SPATA17: variants seen among roughly 807,000 people sequenced by gnomAD.
The protein encoded by SPATA17 is spermatogenesis-associated protein 17.
SPATA17 carries 53 observed loss-of-function variants against 62.2 expected under a neutral mutation model. The ratio of observed to expected loss-of-function variants is 0.85; its 90% CI spans 0.68 to 1.07. The LOEUF (loss-of-function observed/expected upper bound fraction) is 1.07, where lower values mean the gene tolerates loss of function less well. SPATA17 is among the 50% of genes least tolerant of loss of function. SPATA17 has a pLI of 0.00. For missense variants in SPATA17, 466 were observed against 425.5 expected, an observed-to-expected ratio of 1.10 and a Z score of -0.84; for synonymous variants, 146 against 146.8, an observed-to-expected ratio of 0.99 and a Z score of 0.04.
chr1:217,686,308 G>A (rs557446700), intron 5 of SPATA17, among the ~76,000 whole-genome samples: 5 of 152,044 alleles, frequency 3.3e-5, no homozygotes, highest in South Asian at 4.2e-4. Flanking sequence ...CTTAATTCAC[G>A]TTTTTATAAA....
intron 9 of SPATA17, among the ~76,000 whole-genome samples, chr1:217,812,444 T>G (rs1478654112): frequency 6.6e-6 from 1 of 152,194 alleles, no homozygotes; most frequent in African/African-American, 2.4e-5. Context: ...AGCATATATA[T>G]AATTTTTGAA....
At chr1:217,755,571 C>T (rs889904117) in intron 6 of SPATA17, among the ~76,000 whole-genome samples, 3 of 151,882 alleles carry the variant, frequency 2.0e-5, no homozygotes, top group African/African-American at 7.2e-5. Context: ...TTAGTCATTC[C>T]CTTAATGACT....
At chr1:217,749,814 C>T (rs1161562460) in intron 6 of SPATA17, among the ~76,000 whole-genome samples, 1 of 151,212 alleles carries the variant, frequency 6.6e-6, no homozygotes, top group Non-Finnish European at 1.5e-5. Flanking sequence ...CCATATTTTT[C>T]AGCGTAAGCA....
intron 8 of SPATA17, among the ~76,000 whole-genome samples, chr1:217,800,812 T>C (rs140220145): frequency 1.3e-5 from 2 of 152,318 alleles, no homozygotes; most frequent in East Asian, 3.9e-4. Flanking sequence ...TTTCTTATTT[T>C]CTGTCCTATT....
At chr1:217,708,727 C>CA (rs776027409) in intron 5 of SPATA17, among the ~76,000 whole-genome samples, 2,430 of 142,094 alleles carry the variant, frequency 0.017, 18 homozygotes, top group Non-Finnish European at 0.022. Flanking sequence ...GATGCAACAA[C>CA]AAAAAAAAAA....
At chr1:217,767,667 C>T (rs949932816) in intron 6 of SPATA17, among the ~76,000 whole-genome samples, 1 of 152,098 alleles carries the variant, frequency 6.6e-6, no homozygotes, top group Non-Finnish European at 1.5e-5. Flanking sequence ...CCATCAAAGC[C>T]ATTCTTCATT....
chr1:217,742,731 A>G (rs1672650484), intron 6 of SPATA17, among the ~76,000 whole-genome samples: 1 of 152,192 alleles, frequency 6.6e-6, no homozygotes, highest in Non-Finnish European at 1.5e-5. Context: ...TTAAAAAAGC[A>G]TGAGTTTGGG....
intron 1 of SPATA17, among the ~76,000 whole-genome samples, chr1:217,635,767 A>G (rs943661571): frequency 7.8e-5 from 11 of 141,352 alleles, no homozygotes; most frequent in Non-Finnish European, 1.6e-4. Flanking sequence ...CTGGGTTATG[A>G]TAACGGGATT....
intron 2 of SPATA17, among the ~76,000 whole-genome samples, chr1:217,650,831 G>A (rs1397593128): frequency 1.3e-5 from 2 of 152,180 alleles, no homozygotes; most frequent in Non-Finnish European, 2.9e-5. Context: ...TCAAAAATAT[G>A]TTAAAGAGTA....
chr1:217,824,833 G>A (rs1674950651), intron 9 of SPATA17, among the ~76,000 whole-genome samples: 1 of 150,934 alleles, frequency 6.6e-6, no homozygotes, highest in Admixed American at 6.6e-5. Flanking sequence ...TATCCCTGCT[G>A]TAGACTAAAT....
intron 9 of SPATA17, among the ~76,000 whole-genome samples, chr1:217,825,399 T>C (rs2102999017): frequency 6.6e-6 from 1 of 152,046 alleles, no homozygotes; most frequent in Non-Finnish European, 1.5e-5. Flanking sequence ...TTTGTTTTGT[T>C]TTTATAAAAA....
intron 6 of SPATA17, 59 bp downstream of exon 6, chr1:217,742,157 G>A: frequency 1.3e-6 from 2 of 1,590,134 alleles, no homozygotes; most frequent in Non-Finnish European, 1.7e-6. Flanking sequence ...GCCTGACAAA[G>A]ATAAACTAGC....
chr1:217,680,205 A>G (rs1571726218), intron 4 of SPATA17, among the ~76,000 whole-genome samples: 1 of 152,162 alleles, frequency 6.6e-6, no homozygotes, highest in Non-Finnish European at 1.5e-5. Flanking sequence ...AAGTATGCTG[A>G]AAGATTTGAA....
At chr1:217,673,036 A>C (rs1670866455) in intron 4 of SPATA17, among the ~76,000 whole-genome samples, 1 of 152,128 alleles carries the variant, frequency 6.6e-6, no homozygotes, top group South Asian at 2.1e-4. Flanking sequence ...AAAGTCCTTT[A>C]CTTTAACACG....
At chr1:217,862,329 T>C (rs1006286037) in intron 9 of SPATA17, among the ~76,000 whole-genome samples, 3 of 152,212 alleles carry the variant, frequency 2.0e-5, no homozygotes, top group Admixed American at 6.5e-5. Flanking sequence ...TACCATTCAT[T>C]TGAATCACTT....
intron 5 of SPATA17, 112 bp downstream of exon 5, chr1:217,683,473 C>G: frequency 4.2e-6 from 3 of 718,614 alleles, no homozygotes; most frequent in South Asian, 3.3e-5. Flanking sequence ...GAGTCTTGCT[C>G]TGTTGCCCAG....
At chr1:217,852,525 T>C (rs1220767593) in intron 9 of SPATA17, among the ~76,000 whole-genome samples, 2 of 152,178 alleles carry the variant, frequency 1.3e-5, no homozygotes, top group African/African-American at 4.8e-5. Flanking sequence ...GAAGTGAAAT[T>C]AACAGAACTC....
At chr1:217,768,866 G>A (rs954598978) in intron 6 of SPATA17, among the ~76,000 whole-genome samples, 3 of 152,018 alleles carry the variant, frequency 2.0e-5, no homozygotes, top group South Asian at 2.1e-4. Flanking sequence ...CCTTTGATGT[G>A]TACCTCTTCA....
rs554941796 is a variant in SPATA17, at chr1:217,864,951, G to GT, written c.*3-2063dup. ...AATGCAAAGGCTCAAATATGTTATG[G>GT]TTTTTTTTAATATTTGCCAGCTCTT... is the stretch of plus-strand genomic sequence containing the variant. On this transcript the variant is annotated intron_variant, in intron 10 of 10. Coordinates refer to ENST00000366933, the MANE Select transcript of SPATA17 (RefSeq NM_138796.4). Among the ~76,000 whole-genome samples the GT allele has an allele frequency of 9.2e-4, 139 of 151,814 alleles. 2 individuals carry two copies. The East Asian group carries it at 0.021, about 23-fold the overall frequency.
Sources: allele counts gnomAD v4.1 joint callset (sites outside exome capture counted in the v4.1 genomes callset), GRCh38; gene constraint gnomAD v4.1.1; transcripts MANE v1.5; gene names NCBI Gene and HGNC (gene_info 2026-07-23, HGNC 2026-07-21).